CDYL2: variants seen among roughly 807,000 people sequenced by gnomAD.
CDYL2 encodes the protein chromodomain Y-like protein 2.
CDYL2 carries 23 observed loss-of-function variants against 49.4 expected under a neutral mutation model. The observed-to-expected ratio is 0.47, with a 90% CI of 0.34 to 0.66. The LOEUF (loss-of-function observed/expected upper bound fraction) is 0.66. Among genes scored for constraint, CDYL2 ranks in the 30% least tolerant of loss-of-function variants. The probability of loss-of-function intolerance (pLI) is 0.01; values close to 1 mark genes in which losing one functional copy is unlikely to be tolerated. For missense variants in CDYL2, 678 were observed against 656.4 expected (o/e 1.03, Z -0.36); for synonymous variants, 360 against 268.8 (o/e 1.34, Z -3.32).
At chr16:80,616,046 G>A (rs774449749) in intron 4 of CDYL2, among the ~76,000 whole-genome samples, 4 of 152,166 alleles carry the variant, frequency 2.6e-5, no homozygotes, top group South Asian at 2.1e-4. Flanking sequence ...GACCCACACA[G>A]CTTCCTCTGC....
At position 80,612,853 on chromosome 16, in the gene CDYL2, A is replaced by T; in HGVS notation, c.1008-17T>A. Reference sequence around the variant, plus strand: ...ACAAAGTCCCTGGGAGAGAAAGAAGATCCTCTTGAACAGGTGACTATAGCA... The same window carrying T: ...ACAAAGTCCCTGGGAGAGAAAGAAGTTCCTCTTGAACAGGTGACTATAGCA... On this transcript the variant is annotated splice_polypyrimidine_tract_variant and intron_variant, in intron 4 of 6. Coordinates refer to ENST00000570137, the MANE Select transcript of CDYL2 (RefSeq NM_152342.4). This position sits in a 1 kb window ranked among gnomAD's most constrained non-coding sequence, Gnocchi z 5.0. The T allele has an allele frequency of 1.3e-6, 2 of 1,593,654 alleles. No individual in the cohort carries two copies. Among genetic ancestry groups the T allele is most frequent in the Non-Finnish European group, 1.7e-6 (2 of 1,168,840 alleles).
intron 1 of CDYL2, among the ~76,000 whole-genome samples, chr16:80,769,616 G>A (rs776879212): frequency 5.3e-5 from 8 of 152,134 alleles, no homozygotes; most frequent in African/African-American, 9.7e-5. Context: ...TCAACAGGAA[G>A]TACAAACTTC....
intron 1 of CDYL2, among the ~76,000 whole-genome samples, chr16:80,685,542 CA>C (rs1258235398): frequency 6.6e-6 from 1 of 152,176 alleles, no homozygotes; most frequent in East Asian, 1.9e-4. Flanking sequence ...TAATAAGTAA[CA>C]TTTATTGAGC....
At chr16:80,712,062 T>C (rs941975071) in intron 1 of CDYL2, among the ~76,000 whole-genome samples, 1 of 150,538 alleles carries the variant, frequency 6.6e-6, no homozygotes, top group Non-Finnish European at 1.5e-5. Flanking sequence ...GATGTGTGTG[T>C]ATAGATGTGT....
rs1190299354 is a variant in CDYL2 at position 80,603,855 on chromosome 16, A to G, written c.*533T>C. 6.5e-6 allele frequency: 1 copy of G among 153,510 alleles called. No homozygotes were observed. Among genetic ancestry groups the G allele is most frequent in the Non-Finnish European group, 1.5e-5 (1 of 68,628 alleles). 9.5% of individuals were successfully genotyped at this position (153,510 alleles called of 1,614,324 possible). A position where few individuals can be genotyped will look rare whatever the true frequency, so the allele number is the denominator to read the frequency against. On this transcript the variant is annotated 3_prime_UTR_variant, in exon 7 of 7. Coordinates refer to ENST00000570137, the MANE Select transcript of CDYL2 (RefSeq NM_152342.4). ...GCAAATCACTCAATTGGGTTTTAAG[A>G]CCAAGCCCTAATAGTCACACAGATT...
At position 80,794,903 on chromosome 16, in the gene CDYL2, G is replaced by A. The variant is rs28524579; in HGVS notation, c.24+9247C>T. 2.2e-3 allele frequency among the ~76,000 whole-genome samples: 332 copies of A among 152,150 alleles called. 2 individuals carry two copies. The highest frequency in any genetic ancestry group is 7.8e-3 in the African/African-American group (322 of 41,512). On this transcript the variant is annotated intron_variant, in intron 1 of 6. Transcript: ENST00000570137. ...GCTGGGAGTATAGGCATGAGCCACC[G>A]CATCCAGCCTCAGTGATAGTTTTAA...
intron 2 of CDYL2, among the ~76,000 whole-genome samples, chr16:80,683,482 T>G (rs905698418): frequency 1.2e-4 from 19 of 152,242 alleles, no homozygotes; most frequent in African/African-American, 4.6e-4. Flanking sequence ...TAATTTTGCC[T>G]ACAGAGACTT....
intron 2 of CDYL2, among the ~76,000 whole-genome samples, chr16:80,676,044 G>A (rs2142459552): frequency 6.6e-6 from 1 of 152,204 alleles, no homozygotes; most frequent in East Asian, 1.9e-4. Context: ...GCCAAGCGGG[G>A]AGAATCGATT....
chr16:80,649,490 G>A (rs9889160), intron 2 of CDYL2, among the ~76,000 whole-genome samples: 66,026 of 151,690 alleles, frequency 0.44, 14,968 homozygotes, highest in East Asian at 0.6. Context: ...TGAAGAGGAC[G>A]CCAAAAACTA....
intron 5 of CDYL2, among the ~76,000 whole-genome samples, chr16:80,608,708 C>A (rs1906455201): frequency 6.6e-6 from 1 of 152,100 alleles, no homozygotes; most frequent in African/African-American, 2.4e-5. Context: ...TGACTGCAGG[C>A]TAACATCAGT....
chr16:80,679,010 G>A (rs1451087891), intron 2 of CDYL2, among the ~76,000 whole-genome samples: 27 of 146,642 alleles, frequency 1.8e-4, no homozygotes, highest in African/African-American at 3.3e-4. Flanking sequence ...ACTATCGCAA[G>A]AACAAAAAAC....
intron 2 of CDYL2, among the ~76,000 whole-genome samples, chr16:80,658,204 G>C (rs1193671917): frequency 6.6e-6 from 1 of 151,984 alleles, no homozygotes; most frequent in East Asian, 1.9e-4. Flanking sequence ...GGATGGGGAA[G>C]AGGTGACCCT....
intron 1 of CDYL2, among the ~76,000 whole-genome samples, chr16:80,787,441 G>A (rs534934686): frequency 6.6e-6 from 1 of 152,202 alleles, no homozygotes; most frequent in Non-Finnish European, 1.5e-5. Flanking sequence ...AGGAGGTACT[G>A]GGTGATCATA....
intron 1 of CDYL2, among the ~76,000 whole-genome samples, chr16:80,774,786 A>G (rs1210242577): frequency 6.6e-6 from 1 of 152,120 alleles, no homozygotes; most frequent in Non-Finnish European, 1.5e-5. Context: ...CTCAAGGTCA[A>G]TAGGAAGGTC....
At chr16:80,737,031 C>T (rs1482851529) in intron 1 of CDYL2, among the ~76,000 whole-genome samples, 1 of 152,144 alleles carries the variant, frequency 6.6e-6, no homozygotes, top group African/African-American at 2.4e-5. Flanking sequence ...AGAAGGGCTC[C>T]TGTGGAAAGA....
chr16:80,800,006 G>A (rs74030451), intron 1 of CDYL2, among the ~76,000 whole-genome samples: 4,129 of 152,280 alleles, frequency 0.027, 203 homozygotes, highest in African/African-American at 0.095. Context: ...GAGGAATGAC[G>A]TCTGTGTGGG....
At chr16:80,706,658 G>A (rs547023055) in intron 1 of CDYL2, among the ~76,000 whole-genome samples, 2 of 152,298 alleles carry the variant, frequency 1.3e-5, no homozygotes, top group East Asian at 3.9e-4. Context: ...TATCAAGGGT[G>A]CCAGAAATGC....
chr16:80,647,270 A>G (rs1324012043), intron 2 of CDYL2, among the ~76,000 whole-genome samples: 1 of 152,220 alleles, frequency 6.6e-6, no homozygotes, highest in East Asian at 1.9e-4. Flanking sequence ...TATTGTTAAA[A>G]TGGCCAAACT....
At chr16:80,661,960 TG>T (rs1211823536) in intron 2 of CDYL2, among the ~76,000 whole-genome samples, 2 of 152,124 alleles carry the variant, frequency 1.3e-5, no homozygotes, top group African/African-American at 4.8e-5. Flanking sequence ...AACAATCAGG[TG>T]GGGGAACTCA....
Sources: gnomAD v4.1 joint callset for allele counts (sites outside exome capture counted in the v4.1 genomes callset) on GRCh38, gnomAD v4.1.1 for gene constraint, Gnocchi (gnomAD v3.1) non-coding constraint, MANE v1.5 for transcripts, NCBI Gene and HGNC (gene_info 2026-07-23, HGNC 2026-07-21) for gene names.